The following CFAP299 variants were observed in gnomAD, a reference collection of about 807,000 sequenced individuals.
CFAP299 encodes the protein cilia- and flagella-associated protein 299.
CFAP299 carries 21 observed loss-of-function variants against 27.0 expected under a neutral mutation model. That is an observed-to-expected ratio of 0.78 (90% CI 0.55 to 1.12). The LOEUF is 1.12. Ranked by LOEUF, CFAP299 falls within the 50% of genes most tolerant of loss-of-function variation. The pLI is 0.00. For synonymous variants in CFAP299, 104 were observed against 98.1 expected (o/e 1.06, Z -0.36); for missense variants, 310 against 276.6 (o/e 1.12, Z -0.86).
intron 2 of CFAP299, among the ~76,000 whole-genome samples, chr4:80,456,235 T>C (rs1578465361): frequency 6.6e-6 from 1 of 151,598 alleles, no homozygotes; most frequent in Admixed American, 6.6e-5. Context: ...ATAAAGGGAG[T>C]GGAGCAGCTT....
At chr4:80,568,071 T>C (rs1469669184) in intron 2 of CFAP299, among the ~76,000 whole-genome samples, 1 of 151,742 alleles carries the variant, frequency 6.6e-6, no homozygotes. Flanking sequence ...GGTGTAAAAT[T>C]TTTAAAAAAC....
At chr4:80,429,587 G>A (rs556126985) in intron 2 of CFAP299, among the ~76,000 whole-genome samples, 18 of 151,950 alleles carry the variant, frequency 1.2e-4, no homozygotes, top group Non-Finnish European at 2.6e-4. Flanking sequence ...ACATCTTTGG[G>A]TAATGTGGAC....
intron 2 of CFAP299, among the ~76,000 whole-genome samples, chr4:80,560,401 G>A (rs1170908781): frequency 1.3e-5 from 2 of 151,896 alleles, no homozygotes; most frequent in Non-Finnish European, 2.9e-5. Flanking sequence ...GGTGGCTACA[G>A]GGCAAAACTC....
intron 4 of CFAP299, among the ~76,000 whole-genome samples, chr4:80,935,451 A>T (rs964309475): frequency 8.6e-5 from 13 of 151,720 alleles, no homozygotes; most frequent in Admixed American, 2.6e-4. Flanking sequence ...GATTTTTTTT[A>T]AAAAAAGCAA....
chr4:80,514,046 C>T (rs1732453268), intron 2 of CFAP299, among the ~76,000 whole-genome samples: 1 of 151,946 alleles, frequency 6.6e-6, no homozygotes, highest in Non-Finnish European at 1.5e-5. Flanking sequence ...CAGTTGAAAG[C>T]CTATCAGTGA....
Position 80,647,153 on chromosome 4 carries a change from A to G in CFAP299, c.333+63970A>G, listed in dbSNP as rs968485103. ...AAATAGTTTGGAGACTGCCACTCCA[A>G]AACATAAGTTCTAAAAAGGAATGAA... On this transcript the variant is annotated intron_variant, in intron 3 of 5. Transcript: ENST00000358105. Among the ~76,000 whole-genome samples the G allele has an allele frequency of 1.3e-5, 2 of 152,220 alleles. 1 individual carries two copies. Among genetic ancestry groups the G allele is most frequent in the Admixed American group, 1.3e-4 (2 of 15,278 alleles).
At chr4:80,663,470 C>T (rs1740973394) in intron 3 of CFAP299, among the ~76,000 whole-genome samples, 2 of 152,088 alleles carry the variant, frequency 1.3e-5, no homozygotes, top group Non-Finnish European at 2.9e-5. Flanking sequence ...TGAACTCATC[C>T]TTTTTTATGG....
At chr4:80,591,154 C>A (rs1382414866) in intron 3 of CFAP299, among the ~76,000 whole-genome samples, 1 of 118,268 alleles carries the variant, frequency 8.5e-6, no homozygotes, top group Non-Finnish European at 1.7e-5. Context: ...GACGGAGTCT[C>A]GCTCTGTCGC....
chr4:80,568,205 T>C (rs915079781), intron 2 of CFAP299, among the ~76,000 whole-genome samples: 1 of 151,852 alleles, frequency 6.6e-6, no homozygotes, highest in Non-Finnish European at 1.5e-5. Context: ...ATTTTATATA[T>C]GTGTATGCTT....
At chr4:80,791,468 G>A (rs1318567751) in intron 3 of CFAP299, among the ~76,000 whole-genome samples, 2 of 151,926 alleles carry the variant, frequency 1.3e-5, no homozygotes, top group Non-Finnish European at 2.9e-5. Context: ...ATACATAGGA[G>A]GCCCTTAATA....
intron 4 of CFAP299, among the ~76,000 whole-genome samples, chr4:80,913,389 A>T (rs1185057499): frequency 6.6e-6 from 1 of 152,196 alleles, no homozygotes; most frequent in Admixed American, 6.5e-5. Context: ...ACTTCTGTTT[A>T]ATATATCTTA....
chr4:80,452,552 G>T (rs1356484519), intron 2 of CFAP299, among the ~76,000 whole-genome samples: 1 of 152,188 alleles, frequency 6.6e-6, no homozygotes, highest in East Asian at 1.9e-4. Flanking sequence ...ATAGTCTGAT[G>T]GTTGGTATAT....
intron 3 of CFAP299, among the ~76,000 whole-genome samples, chr4:80,818,682 T>C (rs1022192205): frequency 2.0e-5 from 3 of 152,052 alleles, no homozygotes; most frequent in Non-Finnish European, 4.4e-5. Context: ...TTTTATGAAA[T>C]TGAAAAAAAG....
At chr4:80,362,273 T>A (rs188370495) in intron 1 of CFAP299, among the ~76,000 whole-genome samples, 109 of 152,026 alleles carry the variant, frequency 7.2e-4, no homozygotes, top group Admixed American at 3.9e-4. Flanking sequence ...TAATATTCTG[T>A]GCCATCGGTT....
chr4:80,959,274 T>C (rs978341479), intron 5 of CFAP299, among the ~76,000 whole-genome samples: 1 of 152,058 alleles, frequency 6.6e-6, no homozygotes, highest in Non-Finnish European at 1.5e-5. Context: ...AAAACATAAT[T>C]GCTAATACAA....
intron 2 of CFAP299, among the ~76,000 whole-genome samples, chr4:80,480,851 G>A (rs535685264): frequency 1.3e-5 from 2 of 151,704 alleles, no homozygotes; most frequent in Non-Finnish European, 2.9e-5. Flanking sequence ...AAACCTATTT[G>A]CCCATAAAAT....
At chr4:80,364,771 A>G (rs1723735612) in intron 2 of CFAP299, among the ~76,000 whole-genome samples, 1 of 152,152 alleles carries the variant, frequency 6.6e-6, no homozygotes, top group Non-Finnish European at 1.5e-5. Context: ...CCACTTTGAC[A>G]GGCTCACTGT....
chr4:80,417,380 A>G (rs772000276), intron 2 of CFAP299, among the ~76,000 whole-genome samples: 2 of 152,036 alleles, frequency 1.3e-5, no homozygotes, highest in Non-Finnish European at 2.9e-5. Context: ...TAGAATGCCT[A>G]AGCTCCTGGG....
At chr4:80,401,433 C>T (rs1293004587) in intron 2 of CFAP299, among the ~76,000 whole-genome samples, 2 of 152,204 alleles carry the variant, frequency 1.3e-5, no homozygotes, top group African/African-American at 4.8e-5. Flanking sequence ...GCTGCTCCAG[C>T]CATGGCTGAA....
Sources: allele counts gnomAD v4.1 joint callset (sites outside exome capture counted in the v4.1 genomes callset), GRCh38; gene constraint gnomAD v4.1.1; transcripts MANE v1.5; gene names NCBI Gene and HGNC (gene_info 2026-07-23, HGNC 2026-07-21).